PSMD2: variants seen among roughly 807,000 people sequenced by gnomAD.
PSMD2 encodes the protein proteasome 26S subunit ubiquitin receptor, non-ATPase 2.
A neutral mutation model predicts 101.5 loss-of-function variants in PSMD2; 8 were observed. That is an observed-to-expected ratio of 0.08 (90% CI 0.05 to 0.14). The LOEUF (loss-of-function observed/expected upper bound fraction) is 0.14. Among genes scored for constraint, PSMD2 ranks in the 10% least tolerant of loss-of-function variants. PSMD2 has a pLI of 1.00. For synonymous variants in PSMD2, 418 were observed against 433.8 expected (o/e 0.96, Z 0.45); for missense variants, 784 against 1,147.4 (o/e 0.68, Z 4.58).
intron 8 of PSMD2, 49 bp from the exon 9 acceptor site, chr3:184,303,271 T>C: frequency 1.3e-6 from 2 of 1,592,072 alleles, no homozygotes; most frequent in Non-Finnish European, 1.7e-6. Flanking sequence ...TTCTTTCCTG[T>C]CCTACCTGAA....
rs780323680 is a variant in PSMD2, at chr3:184,302,532, T to C, written c.863+4T>C. 3.1e-6 allele frequency: 5 copies of C among 1,613,820 alleles called. No individual in the cohort carries two copies. The highest frequency in any genetic ancestry group is 4.2e-6 in the Non-Finnish European group (5 of 1,179,820). ...TCTTCACCTCCTGCAAGGATGTGTA[T>C]GTAGGGAAGAAGCTGGCAAAGAGAT... On this transcript the variant is annotated splice_donor_region_variant and intron_variant, in intron 6 of 20. Coordinates refer to ENST00000310118, the MANE Select transcript of PSMD2 (RefSeq NM_002808.5).
At chr3:184,306,858 G>C in intron 16 of PSMD2, 24 bp downstream of exon 16, 2 of 1,594,384 alleles carry the variant, frequency 1.3e-6, no homozygotes, top group African/African-American at 1.3e-5. Context: ...GAAGAAAATT[G>C]GAATATACTG....
Position 184,308,550 on chromosome 3 carries a change from T to A in PSMD2, c.2527T>A (p.Ser843Thr). The A allele has an allele frequency of 6.2e-7, 1 of 1,613,882 alleles. No individual in the cohort carries two copies. The change falls in exon 20 of 21, where the codon TCT (serine) becomes ACT (threonine). Residue 843 changes from serine (S) to threonine (T), a missense_variant. Coordinates refer to ENST00000310118, the MANE Select transcript of PSMD2 (RefSeq NM_002808.5). This position sits in a 1 kb window ranked among gnomAD's most constrained non-coding sequence, Gnocchi z 6.0. ...TGAGGAGCTGCGGCCATTGCCAGTG[T>A]CTGTCCGTGTGGGCCAGGTGAGAGG... ...FDEELRPLPV[S>T]VRVGQAVDVV...
Position 184,299,380 on chromosome 3 carries a change from C to A in PSMD2, c.114C>A (p.Asp38Glu). 7.1e-7 allele frequency: 1 copy of A among 1,399,488 alleles called. No homozygotes were observed. The highest frequency in any genetic ancestry group is 1.5e-5 in the South Asian group (1 of 66,506). 86.7% of individuals were successfully genotyped at this position (1,399,488 alleles called of 1,614,324 possible). ...PSGKERRDAG[D>E]KDKEQELSEE... ...GCAAGGAGCGGCGGGATGCCGGGGA[C>A]AAGGACAAAGAACAGGAGCTGGTGA... is the stretch of plus-strand genomic sequence containing the variant. The change falls in exon 1 of 21, where the codon GAC becomes GAA. Residue 38 changes from aspartate (D) to glutamate (E), a missense_variant. Transcript: ENST00000310118.
In PSMD2 at chr3:184,308,719, G is replaced by C; in HGVS notation, c.2556G>C (p.Val852=). 6.2e-7 allele frequency: 1 copy of C among 1,613,530 alleles called. No homozygotes were observed. Residue 852 remains valine, a synonymous_variant, in exon 21 of 21, where the codon GTG becomes GTC. Transcript: ENST00000310118. This position sits in a 1 kb window ranked among gnomAD's most constrained non-coding sequence, Gnocchi z 6.0. ...TTCTTACCCTACAGGCAGTGGATGT[G>C]GTGGGCCAGGCTGGCAAGCCGAAGA... The part of the protein sequence containing the change: ...VSVRVGQAVD[V]VGQAGKPKTI...
At position 184,306,341 on chromosome 3, in the gene PSMD2, C is replaced by T. The variant is rs950161309; in HGVS notation, c.1805-9C>T. The stretch of plus-strand genomic sequence containing the variant: ...TTTCTGTCCATTCTCCCTCACCACC[C>T]TGACGCAGGCTCTGGGAATGTGCTG... On this transcript the variant is annotated splice_polypyrimidine_tract_variant and intron_variant, in intron 14 of 20. Transcript: ENST00000310118. 1 of 1,612,598 alleles carries T rather than the reference C, an allele frequency of 6.2e-7. No homozygotes were observed. The highest frequency in any genetic ancestry group is 2.2e-5 in the East Asian group (1 of 44,868).
intron 6 of PSMD2, 41 bp from the exon 7 acceptor site, chr3:184,302,638 T>TAGTGGAC (rs1186837285): frequency 6.2e-7 from 1 of 1,613,594 alleles, no homozygotes; most frequent in Admixed American, 1.7e-5. Context: ...CCTGTGCCCT[T>TAGTGGAC]AGTGGACAGT....
In PSMD2 at chr3:184,308,705, C is replaced by CA; in HGVS notation, c.2545-2dup. On this transcript the variant is annotated splice_region_variant and splice_polypyrimidine_tract_variant and intron_variant, in intron 20 of 20. Coordinates refer to ENST00000310118, the MANE Select transcript of PSMD2 (RefSeq NM_002808.5). This position sits in a 1 kb window ranked among gnomAD's most constrained non-coding sequence, Gnocchi z 6.0. ...CTCTCTTTTCAATTTTCTTACCCTACAGGCAGTGGATGTGGTGGGCCAGGC... is the reference window on the plus strand; with the variant it reads ...CTCTCTTTTCAATTTTCTTACCCTACAAGGCAGTGGATGTGGTGGGCCAGGC... The CA allele has an allele frequency of 2.5e-6, 4 of 1,612,200 alleles. No individual in the cohort carries two copies. Among genetic ancestry groups the CA allele is most frequent in the Non-Finnish European group, 3.4e-6 (4 of 1,178,432 alleles).
At position 184,304,261 on chromosome 3, in the gene PSMD2, C is replaced by A. The variant is rs1007471586; in HGVS notation, c.1452-43C>A. On this transcript the variant is annotated intron_variant, in intron 11 of 20. Transcript: ENST00000310118. The surrounding 1 kb of genome is among the most constrained non-coding windows in gnomAD (Gnocchi z 4.1). ...TCCTTTTGTTCTTTTCTTGCTGCAT[C>A]GTTGGGTATGTGTTGGGGACCGCCT... 4.4e-6 allele frequency: 7 copies of A among 1,587,830 alleles called. No homozygotes were observed. Among genetic ancestry groups the A allele is most frequent in the Non-Finnish European group, 6.1e-6 (7 of 1,156,162 alleles).
In PSMD2 at chr3:184,308,576, C is replaced by T. The variant is rs749392361; in HGVS notation, c.2544+9C>T. The T allele has an allele frequency of 1.2e-6, 2 of 1,608,632 alleles. No individual in the cohort carries two copies. Among genetic ancestry groups the T allele is most frequent in the East Asian group, 4.5e-5 (2 of 44,852 alleles). On this transcript the variant is annotated intron_variant, in intron 20 of 20. Transcript: ENST00000310118. The surrounding 1 kb of genome is among the most constrained non-coding windows in gnomAD (Gnocchi z 6.0). ...CTGTCCGTGTGGGCCAGGTGAGAGG[C>T]TGAGTAGAGGGGAGGGCTCAGGCTG...
intron 3 of PSMD2, chr3:184,300,785 C>G (rs1721615342): frequency 2.1e-6 from 1 of 476,542 alleles, no homozygotes; most frequent in Non-Finnish European, 2.9e-6. Flanking sequence ...CCTGCTGGTA[C>G]AACCCTAATC....
intron 5 of PSMD2, 107 bp downstream of exon 5, chr3:184,302,178 C>T (rs1329091861): frequency 1.6e-5 from 20 of 1,290,068 alleles, no homozygotes; most frequent in Non-Finnish European, 1.9e-5. Context: ...CATAGCATCA[C>T]GCTGTAGTTA....
intron 7 of PSMD2, 65 bp downstream of exon 7, chr3:184,302,888 GA>G (rs1721693785): frequency 2.5e-6 from 4 of 1,611,540 alleles, no homozygotes; most frequent in Non-Finnish European, 3.4e-6. Flanking sequence ...TCACCTCCCT[GA>G]CTCTACCTCT....
At chr3:184,299,810 G>T (rs758008733) in intron 1 of PSMD2, 41 bp from the exon 2 acceptor site, 1 of 1,560,056 alleles carries the variant, frequency 6.4e-7, no homozygotes, top group Non-Finnish European at 8.8e-7. Context: ...GACGTCTTTG[G>T]GATTCCTTCT....
rs1459685030 is a variant in PSMD2, at chr3:184,300,389, C to G, written c.302C>G (p.Pro101Arg). 3 of 1,614,102 alleles carry G rather than the reference C, an allele frequency of 1.9e-6. No homozygotes were observed. The change falls in exon 3 of 21, where the codon CCA becomes CGA. Residue 101 changes from proline to arginine, a missense_variant. By Grantham distance (103) the Pro-to-Arg change is moderately radical (BLOSUM62 -2). Transcript: ENST00000310118. ...CCCAAGCCTCTCAAATTTCTGCGTC[C>G]ACACTATGGCAAACTGAAGGAAATC... ...SVPKPLKFLR[P>R]HYGKLKEIYE...
At chr3:184,301,826 A>C in intron 4 of PSMD2, 21 bp from the exon 5 acceptor site, 1 of 1,614,096 alleles carries the variant, frequency 6.2e-7, no homozygotes. Flanking sequence ...TGCTCTCTTA[A>C]TCGTCTGGGA....
At position 184,299,895 on chromosome 3, in the gene PSMD2, G is replaced by A. The variant is rs1167021557; in HGVS notation, c.180G>A (p.Val60=). 1 of 1,613,786 alleles carries A rather than the reference G, an allele frequency of 6.2e-7. No individual in the cohort carries two copies. Among genetic ancestry groups the A allele is most frequent in the Admixed American group, 1.7e-5 (1 of 60,016 alleles). The change falls in exon 2 of 21, where the codon GTG becomes GTA. Residue 60 remains valine (V), a synonymous_variant. Coordinates refer to ENST00000310118, the MANE Select transcript of PSMD2 (RefSeq NM_002808.5). ...KQLQDELEML[V]ERLGEKDTSL... is the part of the protein sequence containing the mutation. ...TTCAAGATGAACTGGAGATGCTCGT[G>A]GAACGACTAGGGGTGAGTCACGATG...
In PSMD2 at chr3:184,299,411, G is replaced by A. The variant is rs923589679; in HGVS notation, c.135+10G>A. Reference sequence around the variant, plus strand: ...CAAAGAACAGGAGCTGGTGAGGCGCGACCCCGAGAGTCGGCGAAGGAGGCT... The same window carrying A: ...CAAAGAACAGGAGCTGGTGAGGCGCAACCCCGAGAGTCGGCGAAGGAGGCT... On this transcript the variant is annotated intron_variant, in intron 1 of 20. Coordinates refer to ENST00000310118, the MANE Select transcript of PSMD2 (RefSeq NM_002808.5). 2.3e-5 allele frequency: 31 copies of A among 1,344,232 alleles called. No homozygotes were observed. Among genetic ancestry groups the A allele is most frequent in the Non-Finnish European group, 2.9e-5 (30 of 1,047,778 alleles). 83.3% of individuals were successfully genotyped at this position (1,344,232 alleles called of 1,614,324 possible).
intron 3 of PSMD2, 95 bp from the exon 4 acceptor site, chr3:184,301,442 G>T: frequency 6.8e-7 from 1 of 1,473,478 alleles, no homozygotes; most frequent in South Asian, 1.2e-5. Flanking sequence ...TATGTAGTTA[G>T]TTCAGTTTCG....
Sources: gnomAD v4.1 joint callset for allele counts on GRCh38, gnomAD v4.1.1 for gene constraint, Gnocchi (gnomAD v3.1) non-coding constraint, MANE v1.5 for transcripts, NCBI Gene and HGNC (gene_info 2026-07-23, HGNC 2026-07-21) for gene names.